Variants in CAPN5 observed in about 807,000 individuals in gnomAD.
CAPN5 encodes calpain-5.
A neutral mutation model predicts 73.0 loss-of-function variants in CAPN5; 54 were observed. The observed-to-expected ratio is 0.74, with a 90% CI of 0.59 to 0.93. CAPN5 has a LOEUF of 0.93. CAPN5 is among the 40% of genes least tolerant of loss of function. The pLI is 0.00. For synonymous variants in CAPN5, 335 were observed against 356.9 expected (o/e 0.94, Z 0.69); for missense variants, 785 against 882.9 (o/e 0.89, Z 1.41).
intron 2 of CAPN5, among the ~76,000 whole-genome samples, chr11:77,088,492 G>A (rs1005780146): frequency 1.5e-4 from 23 of 152,124 alleles, no homozygotes; most frequent in African/African-American, 4.8e-4. Flanking sequence ...TGAAGGGTGC[G>A]GACTGCCATG....
Position 77,075,473 on chromosome 11 carries a change from T to G in CAPN5, c.-36+8379T>G, listed in dbSNP as rs1288061095. ...CAGAGAATTGGAGGCTTGCAGAAGG[T>G]CACACAGCCTGCGTGTGACAAAGGC... On this transcript the variant is annotated intron_variant, in intron 1 of 12. Coordinates refer to ENST00000648180, the MANE Select transcript of CAPN5 (RefSeq NM_004055.5). Among the ~76,000 whole-genome samples, 3 of 152,026 alleles carry G rather than the reference T, an allele frequency of 2.0e-5. No individual in the cohort carries two copies. The East Asian group carries it at 5.8e-4, about 29-fold the overall frequency.
intron 1 of CAPN5, among the ~76,000 whole-genome samples, chr11:77,075,516 C>A (rs1949960403): frequency 6.6e-6 from 1 of 152,208 alleles, no homozygotes; most frequent in African/African-American, 2.4e-5. Flanking sequence ...CGGACCCAGC[C>A]TGGGGCACTT....
rs1555042856 is a variant in CAPN5, at chr11:77,121,902, T to C, written c.1488-32T>C. 2.3e-6 allele frequency: 3 copies of C among 1,293,698 alleles called. No individual in the cohort carries two copies. The Admixed American group carries it at 7.1e-5, about 31-fold the overall frequency. 80.1% of individuals were successfully genotyped at this position (1,293,698 alleles called of 1,614,324 possible). A position where few individuals can be genotyped will look rare whatever the true frequency, so the allele number is the denominator to read the frequency against. On this transcript the variant is annotated intron_variant, in intron 10 of 12. Transcript: ENST00000648180. Reference sequence around the variant, plus strand: ...CCCCTGTCTTCCTGGCCCTTCTCCATCACTCCCCTCTCCCCTGCCGCCCCA... The same window carrying C: ...CCCCTGTCTTCCTGGCCCTTCTCCACCACTCCCCTCTCCCCTGCCGCCCCA...
chr11:77,077,916 G>C (rs1949989844), intron 1 of CAPN5, among the ~76,000 whole-genome samples: 2 of 151,952 alleles, frequency 1.3e-5, no homozygotes, highest in African/African-American at 4.8e-5. Context: ...AGATCATTAG[G>C]GTTTTTTTGC....
At chr11:77,113,534 C>T (rs1478243035) in intron 4 of CAPN5, among the ~76,000 whole-genome samples, 3 of 152,080 alleles carry the variant, frequency 2.0e-5, no homozygotes, top group Non-Finnish European at 4.4e-5. Context: ...ATTTGTCAAT[C>T]TTGCTGAAAA....
rs1565264225 is a variant in CAPN5, at chr11:77,093,617, T to TGTCATGTCC, written c.166-65_166-64insGTCATGTCC. 40 of 1,508,612 alleles carry TGTCATGTCC rather than the reference T, an allele frequency of 2.7e-5. 1 individual carries two copies. The African/African-American group carries it at 5.5e-4, about 21-fold the overall frequency. 93.5% of individuals were successfully genotyped at this position (1,508,612 alleles called of 1,614,324 possible). A position where few individuals can be genotyped will look rare whatever the true frequency, so the allele number is the denominator to read the frequency against. Reference sequence around the variant, plus strand: ...CTGTCACGTCTGTGTCTGTCATGTCTCCTGCCATGGGGGGCATCCGCATGC... The same window carrying TGTCATGTCC: ...CTGTCACGTCTGTGTCTGTCATGTCTGTCATGTCCCCTGCCATGGGGGGCATCCGCATGC... On this transcript the variant is annotated intron_variant, in intron 2 of 12. Coordinates refer to ENST00000648180, the MANE Select transcript of CAPN5 (RefSeq NM_004055.5).
chr11:77,089,956 T>G (rs934073474), intron 2 of CAPN5, among the ~76,000 whole-genome samples: 3 of 152,196 alleles, frequency 2.0e-5, no homozygotes, highest in Admixed American at 2.0e-4. Flanking sequence ...AATTTGAATC[T>G]CATTTCACCT....
At chr11:77,071,314 G>A (rs1317237416) in intron 1 of CAPN5, among the ~76,000 whole-genome samples, 2 of 152,370 alleles carry the variant, frequency 1.3e-5, no homozygotes, top group South Asian at 4.1e-4. Flanking sequence ...ATGTTTGGAA[G>A]AAGGGCATCC....
chr11:77,087,816 G>T, intron 2 of CAPN5: 3 of 1,313,790 alleles, frequency 2.3e-6, no homozygotes, highest in Non-Finnish European at 2.1e-6. Flanking sequence ...ACCTTGGTTG[G>T]GACATCCCAT....
At chr11:77,093,607 CTGTCA>C in intron 2 of CAPN5, 70 bp from the exon 3 acceptor site, 8 of 1,438,098 alleles carry the variant, frequency 5.6e-6, no homozygotes, top group South Asian at 4.0e-5. Context: ...ACGTCTGTGT[CTGTCA>C]TGTCTCCTGC....
At chr11:77,103,335 C>A in intron 3 of CAPN5, 1 of 1,602,420 alleles carries the variant, frequency 6.2e-7, no homozygotes, top group Non-Finnish European at 8.5e-7. Context: ...GCTCTGACAG[C>A]AGCTGCCAGC....
intron 11 of CAPN5, 79 bp from the exon 12 acceptor site, chr11:77,122,497 C>A: frequency 8.3e-7 from 1 of 1,209,578 alleles, no homozygotes; most frequent in Non-Finnish European, 1.2e-6. Context: ...GCCGGGTGGG[C>A]ATCTCACCTG....
chr11:77,072,896 G>A (rs1429343250), intron 1 of CAPN5: 2 of 344,316 alleles, frequency 5.8e-6, no homozygotes, highest in Admixed American at 7.6e-5. Flanking sequence ...AATCACGAGA[G>A]CCTGTGGCCA....
chr11:77,089,771 G>A (rs1209895434), intron 2 of CAPN5, among the ~76,000 whole-genome samples: 1 of 152,198 alleles, frequency 6.6e-6, no homozygotes, highest in Admixed American at 6.5e-5. Flanking sequence ...CTACTCTAGA[G>A]GCTAAGGCAG....
rs1555042049 is a variant in CAPN5 at position 77,118,163 on chromosome 11, C to T, written c.978C>T (p.Thr326=). The change falls in exon 8 of 13, where the codon ACC becomes ACT. Residue 326 remains threonine, a synonymous_variant. Coordinates refer to ENST00000648180, the MANE Select transcript of CAPN5 (RefSeq NM_004055.5). The part of the protein sequence containing the change: ...TVQDDGEFWM[T]FEDVCRYFTD... ...AGCCCCTCCCCACATCCAGGATGAC[C>T]TTCGAGGACGTGTGCCGGTACTTCA... is the stretch of plus-strand genomic sequence containing the variant. 5.0e-6 allele frequency: 8 copies of T among 1,611,250 alleles called. No homozygotes were observed. Among genetic ancestry groups the T allele is most frequent in the Non-Finnish European group, 5.9e-6 (7 of 1,178,124 alleles).
chr11:77,120,688 G>A (rs781854460), intron 9 of CAPN5, 25 bp from the exon 10 acceptor site: 8 of 1,574,524 alleles, frequency 5.1e-6, no homozygotes, highest in Non-Finnish European at 6.9e-6. Flanking sequence ...TCTCCGCGTG[G>A]CCCAGCCCCT....
At chr11:77,079,783 T>TTGTGTGTGTGTGTG (rs147108363) in intron 1 of CAPN5, among the ~76,000 whole-genome samples, 96 of 148,244 alleles carry the variant, frequency 6.5e-4, no homozygotes, top group African/African-American at 2.1e-3. Context: ...CTACTTGAGA[T>TTGTGTGTGTGTGTG]TGTGTGTGTG....
chr11:77,118,123 G>T, intron 7 of CAPN5, 34 bp from the exon 8 acceptor site: 1 of 1,584,126 alleles, frequency 6.3e-7, no homozygotes, highest in Non-Finnish European at 8.6e-7. Flanking sequence ...GAGGTGTGGG[G>T]GAGGTACCCT....
At chr11:77,104,051 T>C (rs1565270552) in intron 3 of CAPN5, among the ~76,000 whole-genome samples, 2 of 152,238 alleles carry the variant, frequency 1.3e-5, no homozygotes, top group Non-Finnish European at 2.9e-5. Context: ...TGTATTCATA[T>C]GGATGTATTC....
Sources: allele counts gnomAD v4.1 joint callset (sites outside exome capture counted in the v4.1 genomes callset), GRCh38; gene constraint gnomAD v4.1.1; transcripts MANE v1.5; gene names NCBI Gene and HGNC (gene_info 2026-07-23, HGNC 2026-07-21).